The following PDE3B variants were observed in gnomAD, a reference collection of about 807,000 sequenced individuals.
PDE3B encodes phosphodiesterase 3B, also known as cGMP-inhibited 3',5'-cyclic phosphodiesterase 3B.
In PDE3B, 66 loss-of-function variants were observed where a neutral mutation model predicts 116.8. The observed-to-expected ratio is 0.56, with a 90% CI of 0.46 to 0.69. The LOEUF (loss-of-function observed/expected upper bound fraction) is 0.69. Among genes scored for constraint, PDE3B ranks in the 30% least tolerant of loss-of-function variants. The pLI, the probability that PDE3B is intolerant of heterozygous loss-of-function variation, is 0.00. For synonymous variants in PDE3B, 595 were observed against 533.6 expected, an observed-to-expected ratio of 1.12 and a Z score of -1.59; for missense variants, 1,384 against 1,368.1, an observed-to-expected ratio of 1.01 and a Z score of -0.18.
At chr11:14,669,671 C>T (rs1422634167) in intron 1 of PDE3B, among the ~76,000 whole-genome samples, 1 of 144,628 alleles carries the variant, frequency 6.9e-6, no homozygotes, top group Non-Finnish European at 1.5e-5. Flanking sequence ...TCCAAGTGTT[C>T]TCACTATCCA....
chr11:14,734,502 T>C (rs1856545550), intron 1 of PDE3B, among the ~76,000 whole-genome samples: 1 of 152,244 alleles, frequency 6.6e-6, no homozygotes, highest in Non-Finnish European at 1.5e-5. Flanking sequence ...TCTAAGATTT[T>C]GCTTTTTTCT....
intron 1 of PDE3B, among the ~76,000 whole-genome samples, chr11:14,752,878 A>G (rs2133877632): frequency 6.6e-6 from 1 of 152,032 alleles, no homozygotes; most frequent in South Asian, 2.1e-4. Flanking sequence ...AAAGTTATCT[A>G]GTATTCTAGT....
the PDE3B span, chr11:14,885,829 A>T: frequency 6.2e-7 from 1 of 1,613,596 alleles, no homozygotes. Flanking sequence ...GTCTGCAAAA[A>T]TTTCGCTTTG....
At chr11:14,756,136 C>T (rs1237876994) in intron 1 of PDE3B, among the ~76,000 whole-genome samples, 6 of 152,092 alleles carry the variant, frequency 3.9e-5, no homozygotes, top group African/African-American at 1.2e-4. Flanking sequence ...TCTCATTTTC[C>T]ATCTAGTGTT....
intron 1 of PDE3B, among the ~76,000 whole-genome samples, chr11:14,723,536 C>G (rs1856187065): frequency 1.3e-5 from 2 of 151,968 alleles, no homozygotes; most frequent in African/African-American, 4.8e-5. Context: ...GGAGGATCGC[C>G]TGAGGCCAGG....
rs185664522 is a variant in PDE3B at position 14,658,395 on chromosome 11, C to T, written c.978+13342C>T. Among the ~76,000 whole-genome samples the T allele has an allele frequency of 3.3e-3, 504 of 151,922 alleles. 4 individuals are homozygous for T. The highest frequency in any genetic ancestry group is 5.8e-3 in the Non-Finnish European group (397 of 67,960). Reference sequence around the variant, plus strand: ...TTTTGAGATGGAGTCCTGCTCTTGTCGCCCAGGCTGAAGTGCAATGGCACT... The same window carrying T: ...TTTTGAGATGGAGTCCTGCTCTTGTTGCCCAGGCTGAAGTGCAATGGCACT... On this transcript the variant is annotated intron_variant, in intron 1 of 15. Coordinates refer to ENST00000282096, the MANE Select transcript of PDE3B (RefSeq NM_000922.4).
chr11:14,694,493 G>T (rs981903115), intron 1 of PDE3B, among the ~76,000 whole-genome samples: 1 of 152,158 alleles, frequency 6.6e-6, no homozygotes, highest in Non-Finnish European at 1.5e-5. Flanking sequence ...CCTCCCACCA[G>T]CAAAAGAACT....
intron 2 of PDE3B, chr11:14,772,641 A>G (rs988946169): frequency 6.6e-6 from 1 of 151,986 alleles, no homozygotes; most frequent in Non-Finnish European, 1.5e-5. Flanking sequence ...TGAACTTTAT[A>G]TATACACAAA....
intron 5 of PDE3B, among the ~76,000 whole-genome samples, chr11:14,808,547 A>G (rs1859022776): frequency 3.3e-5 from 5 of 152,216 alleles, no homozygotes; most frequent in Admixed American, 2.6e-4. Context: ...ATATTGGATT[A>G]GAGGTTCTAG....
intron 1 of PDE3B, among the ~76,000 whole-genome samples, chr11:14,704,578 A>G (rs954771525): frequency 6.6e-6 from 1 of 151,776 alleles, no homozygotes; most frequent in South Asian, 2.1e-4. Flanking sequence ...TAGAATGGAT[A>G]TTATGGACAA....
intron 1 of PDE3B, among the ~76,000 whole-genome samples, chr11:14,662,182 T>G (rs187336443): frequency 1.8e-4 from 28 of 152,228 alleles, no homozygotes; most frequent in Admixed American, 6.5e-5. Context: ...ACCGCTGCTG[T>G]TACCCAGGCA....
At chr11:14,734,379 GT>G (rs1305880398) in intron 1 of PDE3B, among the ~76,000 whole-genome samples, 1 of 152,164 alleles carries the variant, frequency 6.6e-6, no homozygotes, top group Non-Finnish European at 1.5e-5. Flanking sequence ...CCAATTTTAT[GT>G]GTTGATAACA....
Position 14,748,890 on chromosome 11 carries a change from CT to C in PDE3B, c.979-23031del, listed in dbSNP as rs372787656. 4.8e-3 allele frequency among the ~76,000 whole-genome samples: 667 copies of C among 137,564 alleles called. 2 individuals carry two copies. Among genetic ancestry groups the C allele is most frequent in the African/African-American group, 9.9e-3 (375 of 37,780 alleles). 90.2% of individuals were successfully genotyped at this position (137,564 alleles called of 152,430 possible). On this transcript the variant is annotated intron_variant, in intron 1 of 15. Transcript: ENST00000282096. ...GGTCTATAGCCTTTCTCTTTTCTTT[CT>C]TTTTTTTTTTTTTTTGAGACAGAGT...
At chr11:14,891,233 C>G in the PDE3B span, 1 of 984,886 alleles carries the variant, frequency 1.0e-6, no homozygotes, top group Non-Finnish European at 1.2e-6. Flanking sequence ...TGAGGAGGAG[C>G]GAAGTACCGA....
At chr11:14,717,997 C>T (rs1171987461) in intron 1 of PDE3B, among the ~76,000 whole-genome samples, 3 of 149,046 alleles carry the variant, frequency 2.0e-5, no homozygotes, top group Non-Finnish European at 4.5e-5. Flanking sequence ...AGAGTCAAGA[C>T]CCATCAGTGT....
At position 14,644,329 on chromosome 11, in the gene PDE3B, T is replaced by TGGC. The variant is rs892832905; in HGVS notation, c.255_257dup (p.Ala87dup). On this transcript the variant is annotated inframe_insertion, in exon 1 of 16. Coordinates refer to ENST00000282096, the MANE Select transcript of PDE3B (RefSeq NM_000922.4). ...CGGGCGCGCCTCTCGCTGGGCGCCC[T>TGGC]GGCTGCCTTTGTCCTCGCCCTGCTG... 5 of 1,574,454 alleles carry TGGC rather than the reference T, an allele frequency of 3.2e-6. No individual in the cohort carries two copies. The African/African-American group carries it at 6.9e-5, about 22-fold the overall frequency.
chr11:14,646,150 T>G (rs1370763023), intron 1 of PDE3B, among the ~76,000 whole-genome samples: 1 of 152,184 alleles, frequency 6.6e-6, no homozygotes, highest in Non-Finnish European at 1.5e-5. Flanking sequence ...TTTTCTGAAT[T>G]TTTGGATTAG....
At chr11:14,738,336 T>C (rs553557589) in intron 1 of PDE3B, among the ~76,000 whole-genome samples, 180 of 152,374 alleles carry the variant, frequency 1.2e-3, no homozygotes, top group African/African-American at 4.0e-3. Context: ...TGGTATCTCA[T>C]TGTGGTTTTG....
At chr11:14,894,671 C>T in the PDE3B span, among the ~76,000 whole-genome samples, 5 of 152,182 alleles carry the variant, frequency 3.3e-5, no homozygotes, top group African/African-American at 9.7e-5. Context: ...CACCCCACCA[C>T]AGCTCCCCTT....
Sources: allele counts gnomAD v4.1 joint callset (sites outside exome capture counted in the v4.1 genomes callset), GRCh38; gene constraint gnomAD v4.1.1; transcripts MANE v1.5; gene names NCBI Gene and HGNC (gene_info 2026-07-23, HGNC 2026-07-21).